Variants in NKAIN1 observed in about 807,000 individuals in gnomAD.
NKAIN1 encodes sodium/potassium-transporting ATPase subunit beta-1-interacting protein 1.
In NKAIN1, 13 loss-of-function variants were observed where a neutral mutation model predicts 31.6. That is an observed-to-expected ratio of 0.41 (90% CI 0.27 to 0.65). The LOEUF (loss-of-function observed/expected upper bound fraction) is 0.65. Ranked by LOEUF, NKAIN1 falls within the 30% of genes least tolerant of loss-of-function variation. NKAIN1 has a pLI of 0.30. For synonymous variants in NKAIN1, 104 were observed against 109.0 expected, an observed-to-expected ratio of 0.95 and a Z score of 0.28; for missense variants, 193 against 262.2, an observed-to-expected ratio of 0.74 and a Z score of 1.82.
At chr1:31,212,119 T>C (rs1262259331) in intron 1 of NKAIN1, among the ~76,000 whole-genome samples, 1 of 152,146 alleles carries the variant, frequency 6.6e-6, no homozygotes, top group East Asian at 1.9e-4. Context: ...TACAGATAAA[T>C]GGAACAGACT....
chr1:31,202,005 G>C (rs1645384041), intron 1 of NKAIN1, among the ~76,000 whole-genome samples: 1 of 152,304 alleles, frequency 6.6e-6, no homozygotes, highest in East Asian at 1.9e-4. Context: ...GCTGGGCCTG[G>C]GGAGCCAGGG....
chr1:31,197,457 A>G (rs1446633753), intron 1 of NKAIN1, among the ~76,000 whole-genome samples: 3 of 151,278 alleles, frequency 2.0e-5, no homozygotes, highest in Admixed American at 2.0e-4. Flanking sequence ...CATGTTGGTC[A>G]GGTTGGTCTC....
chr1:31,225,153 A>C (rs1645593837), intron 1 of NKAIN1, among the ~76,000 whole-genome samples: 1 of 146,776 alleles, frequency 6.8e-6, no homozygotes, highest in African/African-American at 2.6e-5. Flanking sequence ...TCAGCCTCCC[A>C]AGTAGCTGGG....
At chr1:31,222,275 G>T (rs1403943330) in intron 1 of NKAIN1, among the ~76,000 whole-genome samples, 2 of 152,238 alleles carry the variant, frequency 1.3e-5, no homozygotes, top group Non-Finnish European at 2.9e-5. Context: ...CTGACATGGA[G>T]ACTCCCTCCA....
At chr1:31,236,389 G>A (rs966228130) in intron 1 of NKAIN1, among the ~76,000 whole-genome samples, 28 of 152,176 alleles carry the variant, frequency 1.8e-4, no homozygotes, top group African/African-American at 6.5e-4. Flanking sequence ...ATTTGAGAAA[G>A]AAAAATGACA....
At chr1:31,230,185 T>A (rs573751984) in intron 1 of NKAIN1, among the ~76,000 whole-genome samples, 26 of 152,126 alleles carry the variant, frequency 1.7e-4, no homozygotes, top group Admixed American at 1.4e-3. Context: ...CAGCCTCATA[T>A]CCTGGGCATT....
rs1645666657 is a variant in NKAIN1 at position 31,233,068 on chromosome 1, C to T, written c.54+6426G>A. The stretch of plus-strand genomic sequence containing the variant: ...GGTTCAAATGATTCTCTTGCCTCAG[C>T]CTCCCGAGTAGCTGAAATTACAGGT... On this transcript the variant is annotated intron_variant, in intron 1 of 6. Coordinates refer to ENST00000373736, the MANE Select transcript of NKAIN1 (RefSeq NM_024522.3). The surrounding 1 kb of genome is among the most constrained non-coding windows in gnomAD (Gnocchi z 4.0). 6.6e-6 allele frequency among the ~76,000 whole-genome samples: 1 copy of T among 152,158 alleles called. No homozygotes were observed. The highest frequency in any genetic ancestry group is 6.5e-5 in the Admixed American group (1 of 15,270).
intron 1 of NKAIN1, among the ~76,000 whole-genome samples, chr1:31,231,601 G>C (rs868469357): frequency 2.6e-5 from 4 of 152,172 alleles, no homozygotes; most frequent in Middle Eastern, 3.2e-3. Flanking sequence ...CGCCATCTCA[G>C]CTCACTGCAA....
At chr1:31,194,456 G>A (rs1281365284) in intron 1 of NKAIN1, among the ~76,000 whole-genome samples, 7 of 143,844 alleles carry the variant, frequency 4.9e-5, no homozygotes, top group African/African-American at 1.8e-4. Flanking sequence ...ACCCAGGCTG[G>A]AGTGCAATGG....
chr1:31,210,385 T>C lies in NKAIN1; in HGVS notation c.55-22198A>G, dbSNP rs1003786268. 1.6e-4 allele frequency among the ~76,000 whole-genome samples: 25 copies of C among 151,852 alleles called. 1 individual carries two copies. Among genetic ancestry groups the C allele is most frequent in the Admixed American group, 1.4e-3 (22 of 15,230 alleles). On this transcript the variant is annotated intron_variant, in intron 1 of 6. Coordinates refer to ENST00000373736, the MANE Select transcript of NKAIN1 (RefSeq NM_024522.3). ...CTCACTGCAACCTCCGTCTCCTGGGTTCAGGCAATTCTCCTGCCTCAGCCT... is the reference window on the plus strand; with the variant it reads ...CTCACTGCAACCTCCGTCTCCTGGGCTCAGGCAATTCTCCTGCCTCAGCCT...
intron 1 of NKAIN1, among the ~76,000 whole-genome samples, chr1:31,218,038 TTCTTTCTTTC>T (rs1455147211): frequency 1.6e-4 from 16 of 99,302 alleles, no homozygotes; most frequent in East Asian, 6.7e-4. Context: ...CTTTCTTTCT[TTCTTTCTTTC>T]TTTCTTTCTT....
In NKAIN1 at chr1:31,195,858, G is replaced by A. The variant is rs1473875090; in HGVS notation, c.55-7671C>T. ...GAGGATTGCTTGAGCCCAGCAGGCT[G>A]AGGCTACAGTGAGCTGTGATAGCCT... is the stretch of plus-strand genomic sequence containing the variant. On this transcript the variant is annotated intron_variant, in intron 1 of 6. Coordinates refer to ENST00000373736, the MANE Select transcript of NKAIN1 (RefSeq NM_024522.3). Among the ~76,000 whole-genome samples, 3 of 141,872 alleles carry A rather than the reference G, an allele frequency of 2.1e-5. No individual in the cohort carries two copies. The South Asian group carries it at 6.8e-4, about 32-fold the overall frequency. The allele number at this position is 141,872 out of a possible 152,430, so 93.1% of individuals were successfully genotyped here.
At chr1:31,238,473 C>T (rs889713105) in intron 1 of NKAIN1, among the ~76,000 whole-genome samples, 1 of 152,132 alleles carries the variant, frequency 6.6e-6, no homozygotes, top group Non-Finnish European at 1.5e-5. Flanking sequence ...CCTAGTTGTT[C>T]AATCTCAGCT....
chr1:31,236,466 T>C (rs1018521958), intron 1 of NKAIN1, among the ~76,000 whole-genome samples: 1 of 152,134 alleles, frequency 6.6e-6, no homozygotes, highest in Non-Finnish European at 1.5e-5. Context: ...GTCCCTTGGA[T>C]GAGAAAACCA....
intron 1 of NKAIN1, among the ~76,000 whole-genome samples, chr1:31,230,550 G>C (rs1283404564): frequency 6.6e-6 from 1 of 152,094 alleles, no homozygotes; most frequent in African/African-American, 2.4e-5. Context: ...TGCCTCTAGG[G>C]GAAGTTTGCT....
intron 1 of NKAIN1, among the ~76,000 whole-genome samples, chr1:31,237,290 G>T (rs1381601736): frequency 5.3e-5 from 8 of 152,120 alleles, no homozygotes; most frequent in Non-Finnish European, 1.0e-4. Context: ...CAAAGCCTGG[G>T]TCCTAGTTCC....
intron 1 of NKAIN1, among the ~76,000 whole-genome samples, chr1:31,231,486 G>A (rs6699372): frequency 0.3 from 44,752 of 150,810 alleles, 7,265 homozygotes; most frequent in African/African-American, 0.42. Flanking sequence ...CTCATTCTAC[G>A]CACTATCTCC....
chr1:31,201,703 C>T (rs1645381555), intron 1 of NKAIN1, among the ~76,000 whole-genome samples: 1 of 152,178 alleles, frequency 6.6e-6, no homozygotes, highest in African/African-American at 2.4e-5. Flanking sequence ...AGGCCCAGAG[C>T]AGTGGCAGGC....
In NKAIN1 at chr1:31,188,106, C is replaced by T; in HGVS notation, c.136G>A (p.Ala46Thr). The stretch of plus-strand genomic sequence containing the variant: ...GTGCCAAAGATGCCCAGGATGACTG[C>T]CATGATGTGCAGGAAGTTGGCTAGG... ...PILANFLHIM[A>T]VILGIFGTVQ... Residue 46 changes from alanine to threonine, a missense_variant, in exon 2 of 7, where the codon GCA (alanine) becomes ACA (threonine). Transcript: ENST00000373736. The T allele has an allele frequency of 1.3e-6, 2 of 1,553,190 alleles. No homozygotes were observed. The highest frequency in any genetic ancestry group is 1.7e-6 in the Non-Finnish European group (2 of 1,147,890).
Sources: allele counts gnomAD v4.1 joint callset (sites outside exome capture counted in the v4.1 genomes callset), GRCh38; gene constraint gnomAD v4.1.1; non-coding constraint Gnocchi (gnomAD v3.1); transcripts MANE v1.5; gene names NCBI Gene and HGNC (gene_info 2026-07-23, HGNC 2026-07-21).